Variants in ZC2HC1A observed in about 807,000 individuals in gnomAD.
ZC2HC1A encodes the protein zinc finger C2HC-type containing 1A.
ZC2HC1A carries 28 observed loss-of-function variants against 40.7 expected under a neutral mutation model. The observed-to-expected ratio is 0.69, with a 90% CI of 0.51 to 0.94. ZC2HC1A has a LOEUF of 0.94. ZC2HC1A is among the 40% of genes least tolerant of loss of function. The pLI is 0.00. For synonymous variants in ZC2HC1A, 129 were observed against 129.2 expected, an observed-to-expected ratio of 1.00 and a Z score of 0.01; for missense variants, 389 against 386.3, an observed-to-expected ratio of 1.01 and a Z score of -0.06.
At chr8:78,675,133 A>C (rs1374968373) in intron 1 of ZC2HC1A, among the ~76,000 whole-genome samples, 1 of 151,490 alleles carries the variant, frequency 6.6e-6, no homozygotes, top group Non-Finnish European at 1.5e-5. Context: ...TAGTTATATT[A>C]ATTTTATTAA....
chr8:78,696,172 C>T (rs1473705963), intron 5 of ZC2HC1A, among the ~76,000 whole-genome samples: 2 of 151,854 alleles, frequency 1.3e-5, no homozygotes, highest in African/African-American at 2.4e-5. Flanking sequence ...GTAGCTGGGA[C>T]TACAGGCGCC....
chr8:78,692,007 A>G (rs1237117538), intron 5 of ZC2HC1A, among the ~76,000 whole-genome samples: 3 of 152,190 alleles, frequency 2.0e-5, no homozygotes, highest in African/African-American at 7.2e-5. Context: ...TTAACATACT[A>G]TCACCTCAAG....
At chr8:78,683,312 A>G (rs989233924) in intron 3 of ZC2HC1A, among the ~76,000 whole-genome samples, 1 of 152,222 alleles carries the variant, frequency 6.6e-6, no homozygotes, top group Non-Finnish European at 1.5e-5. Context: ...CCGCCCCTGA[A>G]ACAAACTTCT....
Position 78,666,147 on chromosome 8 carries a change from C to G in ZC2HC1A, c.-2C>G. On this transcript the variant is annotated 5_prime_UTR_variant, in exon 1 of 9. Coordinates refer to ENST00000263849, the MANE Select transcript of ZC2HC1A (RefSeq NM_016010.3). ...TCTCGCTGAGCTCGAGGAGGTGGCG[C>G]GATGGAGGGACTGGAAGGTGAGGCG... 2 of 1,572,722 alleles carry G rather than the reference C, an allele frequency of 1.3e-6. No individual in the cohort carries two copies. Among genetic ancestry groups the G allele is most frequent in the Non-Finnish European group, 1.7e-6 (2 of 1,159,198 alleles).
intron 7 of ZC2HC1A, chr8:78,712,049 A>G (rs530053616): frequency 1.1e-4 from 144 of 1,289,648 alleles, no homozygotes; most frequent in Admixed American, 7.4e-4. Context: ...AGGTTGTATG[A>G]CAGTGATACA....
intron 8 of ZC2HC1A, among the ~76,000 whole-genome samples, chr8:78,716,967 A>C (rs1484449116): frequency 1.3e-5 from 2 of 152,088 alleles, no homozygotes; most frequent in Non-Finnish European, 2.9e-5. Flanking sequence ...AAGTTTCCTG[A>C]GGCCTCCCCA....
At chr8:78,692,660 T>G (rs1349988928) in intron 5 of ZC2HC1A, among the ~76,000 whole-genome samples, 1 of 152,166 alleles carries the variant, frequency 6.6e-6, no homozygotes, top group Non-Finnish European at 1.5e-5. Flanking sequence ...ATCTTTTTGT[T>G]GTAATTGCTG....
chr8:78,694,601 C>T (rs1324287968), intron 5 of ZC2HC1A, among the ~76,000 whole-genome samples: 1 of 152,146 alleles, frequency 6.6e-6, no homozygotes, highest in Non-Finnish European at 1.5e-5. Flanking sequence ...TCTCATTTGA[C>T]ATTCAGTGCT....
intron 4 of ZC2HC1A, among the ~76,000 whole-genome samples, chr8:78,688,926 C>T (rs568445208): frequency 4.6e-5 from 7 of 151,900 alleles, no homozygotes; most frequent in Admixed American, 2.0e-4. Context: ...AAAGAAATAA[C>T]GTTTTTCCTC....
intron 7 of ZC2HC1A, among the ~76,000 whole-genome samples, chr8:78,709,883 A>G (rs146285483): frequency 6.6e-6 from 1 of 152,296 alleles, no homozygotes; most frequent in Admixed American, 6.5e-5. Context: ...ACAAAATACC[A>G]TCCGGTAAAT....
intron 3 of ZC2HC1A, among the ~76,000 whole-genome samples, chr8:78,679,758 G>C (rs1042884810): frequency 2.6e-5 from 4 of 152,002 alleles, no homozygotes; most frequent in African/African-American, 9.7e-5. Context: ...ATTTTTCTAG[G>C]GGGAAATTAA....
chr8:78,704,379 C>T (rs1237125455), intron 7 of ZC2HC1A, among the ~76,000 whole-genome samples: 5 of 140,248 alleles, frequency 3.6e-5, no homozygotes, highest in Admixed American at 7.1e-5. Context: ...CAGAGTGAGA[C>T]TCCATCTCAA....
At chr8:78,716,039 CAA>C (rs753499894) in intron 8 of ZC2HC1A, among the ~76,000 whole-genome samples, 8 of 57,052 alleles carry the variant, frequency 1.4e-4, no homozygotes, top group Admixed American at 8.0e-4. Context: ...GACTCCATCT[CAA>C]AAAAAAAAAA....
chr8:78,679,014 TAA>T (rs1435382024), intron 3 of ZC2HC1A: 18 of 160,192 alleles, frequency 1.1e-4, no homozygotes, highest in Non-Finnish European at 1.9e-4. Flanking sequence ...TGATATAACT[TAA>T]GTTTTGATTC....
chr8:78,704,806 T>C (rs1177154036), intron 7 of ZC2HC1A, among the ~76,000 whole-genome samples: 2 of 152,196 alleles, frequency 1.3e-5, no homozygotes, highest in Non-Finnish European at 2.9e-5. Context: ...TTTTCATCCT[T>C]TTTTTCTCTA....
At chr8:78,679,379 T>C (rs1052916331) in intron 3 of ZC2HC1A, 1 of 152,234 alleles carries the variant, frequency 6.6e-6, no homozygotes, top group Admixed American at 6.5e-5. Flanking sequence ...AGTATTTGCA[T>C]ATAACTTATG....
chr8:78,672,188 A>C (rs1809452334), intron 1 of ZC2HC1A, among the ~76,000 whole-genome samples: 1 of 152,150 alleles, frequency 6.6e-6, no homozygotes, highest in Non-Finnish European at 1.5e-5. Flanking sequence ...TAAGGTATTT[A>C]TCATGATCTG....
chr8:78,676,502 G>T (rs1330346837), intron 2 of ZC2HC1A, among the ~76,000 whole-genome samples: 1 of 151,938 alleles, frequency 6.6e-6, no homozygotes, highest in Non-Finnish European at 1.5e-5. Flanking sequence ...TTATGCCTAT[G>T]TACCTTACGT....
At chr8:78,711,083 G>A (rs1489035391) in intron 7 of ZC2HC1A, among the ~76,000 whole-genome samples, 2 of 152,040 alleles carry the variant, frequency 1.3e-5, no homozygotes, top group Non-Finnish European at 2.9e-5. Flanking sequence ...TAGATGCTCA[G>A]GGTTTATAGT....
Sources: gnomAD v4.1 joint callset for allele counts (sites outside exome capture counted in the v4.1 genomes callset) on GRCh38, gnomAD v4.1.1 for gene constraint, MANE v1.5 for transcripts, NCBI Gene and HGNC (gene_info 2026-07-23, HGNC 2026-07-21) for gene names.